FTCDNL1: variants seen among roughly 807,000 people sequenced by gnomAD.
FTCDNL1 encodes formiminotransferase cyclodeaminase N-terminal like, also known as formiminotransferase N-terminal subdomain-containing protein.
A neutral mutation model predicts 5.9 loss-of-function variants in FTCDNL1; 11 were observed. That is an observed-to-expected ratio of 1.87 (90% CI 1.18 to 3.10). The LOEUF (loss-of-function observed/expected upper bound fraction) is 3.10. Ranked by LOEUF, FTCDNL1 falls within the 30% of genes most tolerant of loss-of-function variation. The pLI, the probability that FTCDNL1 is intolerant of heterozygous loss-of-function variation, is 0.00. For missense variants in FTCDNL1, 115 were observed against 65.5 expected, an observed-to-expected ratio of 1.76 and a Z score of -2.61; for synonymous variants, 58 against 24.8, an observed-to-expected ratio of 2.34 and a Z score of -3.99.
chr2:199,717,509 A>ATTTTTTTTTTTTTTTTTTTTTTT, the FTCDNL1 span, among the ~76,000 whole-genome samples: 1 of 57,688 alleles, frequency 1.7e-5, no homozygotes, highest in African/African-American at 7.2e-5. Flanking sequence ...CAAGGCAGAG[A>ATTTTTTTTTTTTTTTTTTTTTTT]TTTTTTTTTT....
intron 3 of FTCDNL1, among the ~76,000 whole-genome samples, chr2:199,763,642 G>A (rs985379524): frequency 6.6e-6 from 1 of 152,054 alleles, no homozygotes; most frequent in African/African-American, 2.4e-5. Context: ...TTTGAATGCC[G>A]AGACTATTTC....
At chr2:199,773,156 G>T (rs995536768) in intron 3 of FTCDNL1, among the ~76,000 whole-genome samples, 1 of 152,150 alleles carries the variant, frequency 6.6e-6, no homozygotes, top group African/African-American at 2.4e-5. Flanking sequence ...TGTAATAGGG[G>T]TGGGGACAGT....
At chr2:199,700,029 A>T in the FTCDNL1 span, among the ~76,000 whole-genome samples, 1 of 152,168 alleles carries the variant, frequency 6.6e-6, no homozygotes, top group African/African-American at 2.4e-5. Flanking sequence ...TATTCAACAT[A>T]GTACTGGAAG....
chr2:199,722,076 T>G, the FTCDNL1 span, among the ~76,000 whole-genome samples: 1 of 152,232 alleles, frequency 6.6e-6, no homozygotes, highest in East Asian at 1.9e-4. Flanking sequence ...TTCTGTAGGT[T>G]GCCTGTTCAC....
intron 3 of FTCDNL1, among the ~76,000 whole-genome samples, chr2:199,832,804 C>G (rs1304558131): frequency 3.3e-5 from 5 of 152,044 alleles, no homozygotes; most frequent in Non-Finnish European, 7.4e-5. Context: ...GGGCTTTACA[C>G]AGTCATCGAT....
the FTCDNL1 span, among the ~76,000 whole-genome samples, chr2:199,696,190 C>T: frequency 1.1e-4 from 17 of 152,328 alleles, no homozygotes; most frequent in East Asian, 1.9e-3. Flanking sequence ...CTAGGGCAAG[C>T]GTGCATGGGC....
the FTCDNL1 span, among the ~76,000 whole-genome samples, chr2:199,688,931 C>G: frequency 2.6e-5 from 4 of 152,204 alleles, no homozygotes; most frequent in Non-Finnish European, 5.9e-5. Flanking sequence ...AGGGCAGCTA[C>G]TCAGCTACTC....
At chr2:199,836,931 C>A (rs1702786554) in intron 3 of FTCDNL1, among the ~76,000 whole-genome samples, 1 of 152,162 alleles carries the variant, frequency 6.6e-6, no homozygotes, top group African/African-American at 2.4e-5. Flanking sequence ...CCCCACAGGC[C>A]AAGTGTTGCC....
At chr2:199,780,537 C>CA (rs764670141) in intron 3 of FTCDNL1, among the ~76,000 whole-genome samples, 9 of 152,310 alleles carry the variant, frequency 5.9e-5, no homozygotes, top group Admixed American at 1.3e-4. Context: ...GATGAATTGC[C>CA]ATGCTTCTCT....
chr2:199,667,476 A>AAAAC, the FTCDNL1 span, among the ~76,000 whole-genome samples: 99,602 of 149,992 alleles, frequency 0.66, 36,017 homozygotes, highest in South Asian at 0.88. Context: ...GTCTCTACAA[A>AAAAC]AAACAAACAA....
the FTCDNL1 span, among the ~76,000 whole-genome samples, chr2:199,697,951 G>A: frequency 5.9e-5 from 9 of 152,112 alleles, no homozygotes; most frequent in East Asian, 1.7e-3. Context: ...TCAAGCAAAT[G>A]GAAAACAAAC....
the FTCDNL1 span, among the ~76,000 whole-genome samples, chr2:199,748,605 A>G: frequency 6.6e-6 from 1 of 152,080 alleles, no homozygotes; most frequent in East Asian, 1.9e-4. Context: ...TCCCATCCTA[A>G]TCAGCCCCTG....
At chr2:199,802,484 A>G (rs1700507840) in intron 3 of FTCDNL1, among the ~76,000 whole-genome samples, 2 of 152,236 alleles carry the variant, frequency 1.3e-5, no homozygotes, top group Admixed American at 6.5e-5. Flanking sequence ...AGAAATGACC[A>G]GGTGACTCTG....
the FTCDNL1 span, among the ~76,000 whole-genome samples, chr2:199,692,713 C>T: frequency 3.9e-5 from 6 of 152,210 alleles, no homozygotes; most frequent in African/African-American, 1.4e-4. Flanking sequence ...GTCCTTGAAA[C>T]TTGGAGCTCT....
At chr2:199,778,464 G>T (rs1699201127) in intron 3 of FTCDNL1, among the ~76,000 whole-genome samples, 1 of 152,106 alleles carries the variant, frequency 6.6e-6, no homozygotes, top group South Asian at 2.1e-4. Flanking sequence ...CTGAAATTCA[G>T]TGCCCACCAT....
At chr2:199,782,896 C>T (rs1221194909) in intron 3 of FTCDNL1, among the ~76,000 whole-genome samples, 1 of 152,142 alleles carries the variant, frequency 6.6e-6, no homozygotes, top group Non-Finnish European at 1.5e-5. Context: ...AAACTTGGTT[C>T]TATATATTAA....
intron 3 of FTCDNL1, chr2:199,785,575 T>C (rs1699601669): frequency 6.6e-6 from 1 of 152,156 alleles, no homozygotes; most frequent in South Asian, 2.1e-4. Context: ...TTTTTACTTG[T>C]AACCTGTAGA....
downstream of FTCDNL1, among the ~76,000 whole-genome samples, chr2:199,756,041 G>A (rs887798241): frequency 6.6e-6 from 1 of 152,282 alleles, no homozygotes; most frequent in Non-Finnish European, 1.5e-5. Flanking sequence ...GTGGTAAAAT[G>A]AAGAGGTTTA....
intron 3 of FTCDNL1, among the ~76,000 whole-genome samples, chr2:199,797,083 A>C (rs181179693): frequency 6.6e-6 from 1 of 152,354 alleles, no homozygotes; most frequent in East Asian, 1.9e-4. Flanking sequence ...GCAATAGAGC[A>C]TTATTGACAT....
Sources: allele counts gnomAD v4.1 joint callset (sites outside exome capture counted in the v4.1 genomes callset), GRCh38; gene constraint gnomAD v4.1.1; transcripts MANE v1.5; gene names NCBI Gene and HGNC (gene_info 2026-07-23, HGNC 2026-07-21).